DUSP18: variants seen among roughly 807,000 people sequenced by gnomAD.
DUSP18 encodes dual specificity protein phosphatase 18.
In DUSP18, 4 loss-of-function variants were observed where a neutral mutation model predicts 6.3. The ratio of observed to expected loss-of-function variants is 0.63; its 90% CI spans 0.31 to 1.45. The LOEUF (loss-of-function observed/expected upper bound fraction) is 1.45. DUSP18 is among the 40% of genes most tolerant of loss of function. DUSP18 has a pLI of 0.07. For missense variants in DUSP18, 235 were observed against 247.7 expected, an observed-to-expected ratio of 0.95 and a Z score of 0.34; for synonymous variants, 96 against 95.1, an observed-to-expected ratio of 1.01 and a Z score of -0.05.
Position 30,663,774 on chromosome 22 carries a change from G to C in DUSP18, c.230C>G (p.Ser77Ter), listed in dbSNP as rs1317713148. ...AGGGTCAAAGAAGTCACAGAGACGT[G>C]AGTTAGGGGAGTCAGCCACAGGTAC... ...MQVPVADSPN[S>*]RLCDFFDPIA... Residue 77 changes from serine to a stop codon, truncating the protein, a stop_gained, in exon 2 of 2, where the codon TCA becomes TGA. Transcript: ENST00000334679. LOFTEE classifies it high-confidence loss of function. 1 of 1,614,092 alleles carries C rather than the reference G, an allele frequency of 6.2e-7. No individual in the cohort carries two copies. Among genetic ancestry groups the C allele is most frequent in the Non-Finnish European group, 8.5e-7 (1 of 1,180,040 alleles).
Position 30,664,062 on chromosome 22 carries a change from A to C in DUSP18, c.-59T>G. On this transcript the variant is annotated 5_prime_UTR_variant, in exon 2 of 2. It removes the in-frame stop codon of an upstream open reading frame in the 5' UTR. Coordinates refer to ENST00000334679, the MANE Select transcript of DUSP18 (RefSeq NM_152511.5). ...AGCACGAAGGCTGCGTCTTTCTGCT[A>C]GGCTGTGTCCATGGAAAACTGCAGA... The C allele has an allele frequency of 6.7e-7, 1 of 1,490,026 alleles. No individual in the cohort carries two copies. The highest frequency in any genetic ancestry group is 9.1e-7 in the Non-Finnish European group (1 of 1,095,900). 92.3% of individuals were successfully genotyped at this position (1,490,026 alleles called of 1,614,324 possible). A position where few individuals can be genotyped will look rare whatever the true frequency, so the allele number is the denominator to read the frequency against.
rs751667708 is a variant in DUSP18, at chr22:30,663,678, C to G, written c.326G>C (p.Ser109Thr). 6.2e-7 allele frequency: 1 copy of G among 1,614,232 alleles called. No individual in the cohort carries two copies. Among genetic ancestry groups the G allele is most frequent in the Non-Finnish European group, 8.5e-7 (1 of 1,180,034 alleles). The change falls in exon 2 of 2, where the codon AGC becomes ACC. Residue 109 changes from serine to threonine, a missense_variant. Ser to Thr is a moderately conservative substitution (Grantham distance 58, BLOSUM62 1). Coordinates refer to ENST00000334679, the MANE Select transcript of DUSP18 (RefSeq NM_152511.5). ...RTLLHCAAGV[S>T]RSAALCLAYL... ...GGCGAGGCACAGGGCAGCTGAGCGG[C>G]TCACACCAGCAGCACAGTGCAGCAA...
downstream of DUSP18, among the ~76,000 whole-genome samples, chr22:30,657,299 ACAC>A (rs778814558): frequency 1.6e-3 from 105 of 64,236 alleles, 5 homozygotes; most frequent in South Asian, 0.043. Flanking sequence ...ACACACACAC[ACAC>A]ACACAAATTA....
At chr22:30,657,402 TAA>T (rs941738095), downstream of DUSP18, among the ~76,000 whole-genome samples, 1 of 145,620 alleles carries the variant, frequency 6.9e-6, no homozygotes, top group Non-Finnish European at 1.5e-5. Flanking sequence ...GAGGTTGCAG[TAA>T]GCCGAGATCA....
chr22:30,654,508 G>A, intron 2 of DUSP18: 1 of 427,922 alleles, frequency 2.3e-6, no homozygotes. Context: ...ACACCTTGAG[G>A]CGGTCTTGGG....
At chr22:30,665,219 C>T (rs760652722) in intron 1 of DUSP18, 3 of 188,168 alleles carry the variant, frequency 1.6e-5, no homozygotes, top group Admixed American at 5.9e-5. Context: ...TCACCAGGCA[C>T]GAGAAATGAG....
rs1023241324 is a variant in DUSP18 at position 30,663,720 on chromosome 22, A to G, written c.284T>C (p.Met95Thr). The G allele has an allele frequency of 6.2e-7, 1 of 1,614,222 alleles. No individual in the cohort carries two copies. The highest frequency in any genetic ancestry group is 8.5e-7 in the Non-Finnish European group (1 of 1,180,046). ...GTGCAGCAAAGTACGGCCCTGCTTC[A>G]TCTCCACGCTGTGGATATGGTCAGC... ...PIADHIHSVE[M>T]KQGRTLLHCA... Residue 95 changes from methionine (M) to threonine (T), a missense_variant, in exon 2 of 2, where the codon ATG becomes ACG. By Grantham distance (81) the Met-to-Thr change is moderately conservative. Coordinates refer to ENST00000334679, the MANE Select transcript of DUSP18 (RefSeq NM_152511.5).
downstream of DUSP18, among the ~76,000 whole-genome samples, chr22:30,658,427 A>G (rs1215735206): frequency 2.0e-5 from 3 of 151,888 alleles, no homozygotes; most frequent in Middle Eastern, 3.4e-3. Flanking sequence ...AGTGGTGGCC[A>G]GAAAAGCACC....
At position 30,663,475 on chromosome 22, in the gene DUSP18, T is replaced by C. The variant is rs762418515; in HGVS notation, c.529A>G (p.Ile177Val). Reference sequence around the variant, plus strand: ...ATCAAACGGACTTCCTTCTCATAGATGTCAGGGATCATTCCCACTGGGGAA... The same window carrying C: ...ATCAAACGGACTTCCTTCTCATAGACGTCAGGGATCATTCCCACTGGGGAA... Reference protein sequence around the residue: ...VSSPVGMIPDIYEKEVRLMIP... With the variant: ...VSSPVGMIPDVYEKEVRLMIP... Residue 177 changes from isoleucine (I) to valine (V), a missense_variant, in exon 2 of 2, where the codon ATC becomes GTC. Ile to Val is a conservative substitution (Grantham distance 29, BLOSUM62 3). Coordinates refer to ENST00000334679, the MANE Select transcript of DUSP18 (RefSeq NM_152511.5). 2.5e-6 allele frequency: 4 copies of C among 1,613,744 alleles called. No individual in the cohort carries two copies. The South Asian group carries it at 4.4e-5, about 18-fold the overall frequency.
chr22:30,662,424 T>C lies in DUSP18; in HGVS notation c.*1013A>G, dbSNP rs1194361497. On this transcript the variant is annotated 3_prime_UTR_variant, in exon 2 of 2. Coordinates refer to ENST00000334679, the MANE Select transcript of DUSP18 (RefSeq NM_152511.5). ...TGAGACCTGATGTTAGGCCTGTTTT[T>C]CTCATGTGCCCTGGAGAAGGGGACT... is the stretch of plus-strand genomic sequence containing the variant. The C allele has an allele frequency of 1.3e-5, 2 of 152,226 alleles. No individual in the cohort carries two copies. The highest frequency in any genetic ancestry group is 4.8e-5 in the African/African-American group (2 of 41,454). The allele number at this position is 152,226 out of a possible 1,614,324, so 9.4% of individuals were successfully genotyped here.
At chr22:30,653,183 G>C (rs1464970872) in intron 2 of DUSP18, among the ~76,000 whole-genome samples, 2 of 152,168 alleles carry the variant, frequency 1.3e-5, no homozygotes, top group African/African-American at 4.8e-5. Context: ...GGCAGGTCAA[G>C]GCCTGGGCTC....
chr22:30,663,334 T>C lies in DUSP18; in HGVS notation c.*103A>G. ...GTGCTCATAAAAGGCATCATCTGTT[T>C]TTTTCTGTATCAACAAAAGTAGAAT... On this transcript the variant is annotated 3_prime_UTR_variant, in exon 2 of 2. Transcript: ENST00000334679. 8.1e-7 allele frequency: 1 copy of C among 1,227,508 alleles called. No individual in the cohort carries two copies. Among genetic ancestry groups the C allele is most frequent in the Non-Finnish European group, 1.1e-6 (1 of 881,998 alleles). The allele number at this position is 1,227,508 out of a possible 1,614,324, so 76.0% of individuals were successfully genotyped here. A position where few individuals can be genotyped will look rare whatever the true frequency, so the allele number is the denominator to read the frequency against.
At chr22:30,661,123 G>A (rs967082149), downstream of DUSP18, among the ~76,000 whole-genome samples, 1 of 152,076 alleles carries the variant, frequency 6.6e-6, no homozygotes, top group East Asian at 1.9e-4. Context: ...TTACAGGCAT[G>A]AGCCACCACG....
downstream of DUSP18, among the ~76,000 whole-genome samples, chr22:30,657,163 A>G (rs192831539): frequency 7.5e-3 from 1,136 of 152,122 alleles, 16 homozygotes; most frequent in African/African-American, 0.026. Context: ...GGCTGGGTGC[A>G]GTGGCTCACA....
At chr22:30,666,038 C>G (rs1009894845) in intron 1 of DUSP18, among the ~76,000 whole-genome samples, 1 of 152,140 alleles carries the variant, frequency 6.6e-6, no homozygotes, top group African/African-American at 2.4e-5. Flanking sequence ...ATGCATCAGG[C>G]TCATTCCCGG....
intron 1 of DUSP18, 118 bp from the exon 2 acceptor site, chr22:30,664,198 C>CTGGT: frequency 1.7e-6 from 1 of 602,698 alleles, no homozygotes; most frequent in Non-Finnish European, 3.0e-6. Context: ...CTGACCATCA[C>CTGGT]AGCAGAACTA....
downstream of DUSP18, among the ~76,000 whole-genome samples, chr22:30,660,177 A>T (rs968076111): frequency 1.3e-5 from 2 of 152,276 alleles, no homozygotes; most frequent in Non-Finnish European, 2.9e-5. Context: ...AGTCAAGTCC[A>T]ATCAAGCTTC....
At chr22:30,655,700 T>G (rs1164677943) in intron 2 of DUSP18, among the ~76,000 whole-genome samples, 1 of 152,078 alleles carries the variant, frequency 6.6e-6, no homozygotes, top group Admixed American at 6.5e-5. Flanking sequence ...CCATAGTCAA[T>G]TCTGCTTTCT....
chr22:30,665,536 G>A (rs564254292), intron 1 of DUSP18: 3 of 471,022 alleles, frequency 6.4e-6, no homozygotes, highest in African/African-American at 2.0e-5. Context: ...GAAGTCTGAG[G>A]AGCCTTAAGA....
Sources: gnomAD v4.1 joint callset for allele counts (sites outside exome capture counted in the v4.1 genomes callset) on GRCh38, gnomAD v4.1.1 for gene constraint, MANE v1.5 for transcripts, NCBI Gene and HGNC (gene_info 2026-07-23, HGNC 2026-07-21) for gene names.